DLG2: variants seen among roughly 807,000 people sequenced by gnomAD.
The protein encoded by DLG2 is disks large homolog 2.
DLG2 carries 45 observed loss-of-function variants against 132.5 expected under a neutral mutation model. That is an observed-to-expected ratio of 0.34 (90% CI 0.27 to 0.44). The LOEUF (loss-of-function observed/expected upper bound fraction) is 0.44, where lower values mean the gene tolerates loss of function less well. Among genes scored for constraint, DLG2 ranks in the 20% least tolerant of loss-of-function variants. DLG2 has a pLI of 1.00. For synonymous variants in DLG2, 424 were observed against 419.6 expected (o/e 1.01, Z -0.13); for missense variants, 1,045 against 1,196.9 (o/e 0.87, Z 1.87).
chr11:83,660,776 G>A (rs1463245534), intron 18 of DLG2, among the ~76,000 whole-genome samples: 2 of 152,072 alleles, frequency 1.3e-5, no homozygotes, highest in Non-Finnish European at 1.5e-5. Flanking sequence ...AAAAGTGATG[G>A]AAAGATAAAC....
chr11:84,714,889 T>A (rs994325096), intron 6 of DLG2, among the ~76,000 whole-genome samples: 4 of 152,018 alleles, frequency 2.6e-5, no homozygotes, highest in Non-Finnish European at 4.4e-5. Context: ...CTTGAACTCA[T>A]CCCTTTCTTC....
chr11:84,250,756 A>C (rs2097361635), intron 8 of DLG2, among the ~76,000 whole-genome samples: 1 of 152,234 alleles, frequency 6.6e-6, no homozygotes, highest in Admixed American at 6.5e-5. Context: ...TCATGCTTTC[A>C]TAAAACCATA....
chr11:85,042,938 T>C (rs1301869664), intron 6 of DLG2, among the ~76,000 whole-genome samples: 1 of 151,912 alleles, frequency 6.6e-6, no homozygotes, highest in African/African-American at 2.4e-5. Flanking sequence ...CTACTGTTGA[T>C]AGTACATTTT....
At chr11:83,824,559 T>C (rs1409838393) in intron 17 of DLG2, among the ~76,000 whole-genome samples, 1 of 152,206 alleles carries the variant, frequency 6.6e-6, no homozygotes, top group Non-Finnish European at 1.5e-5. Flanking sequence ...TCAAAAAATA[T>C]GTTTCACTTG....
chr11:85,277,389 T>G (rs1207874699), intron 4 of DLG2, among the ~76,000 whole-genome samples: 2 of 152,172 alleles, frequency 1.3e-5, no homozygotes, highest in South Asian at 2.1e-4. Flanking sequence ...CAGTTAAATA[T>G]CTTTGCATCA....
chr11:85,335,975 A>G (rs937035684), intron 3 of DLG2: 1 of 152,148 alleles, frequency 6.6e-6, no homozygotes, highest in African/African-American at 2.4e-5. Flanking sequence ...AATATCTTCT[A>G]TTTGCACATG....
chr11:84,317,668 G>A (rs1454049951), intron 7 of DLG2, among the ~76,000 whole-genome samples: 1 of 152,236 alleles, frequency 6.6e-6, no homozygotes, highest in East Asian at 1.9e-4. Context: ...AATAAAAAAT[G>A]ATGGGAAAGT....
chr11:84,452,690 T>C (rs1189490613), intron 7 of DLG2, among the ~76,000 whole-genome samples: 1 of 151,646 alleles, frequency 6.6e-6, no homozygotes, highest in African/African-American at 2.4e-5. Flanking sequence ...TTTGACCTGA[T>C]AAACCAGAAA....
intron 3 of DLG2, among the ~76,000 whole-genome samples, chr11:85,356,753 G>A (rs970721674): frequency 7.3e-5 from 11 of 151,408 alleles, no homozygotes; most frequent in African/African-American, 2.7e-4. Context: ...ACTACAGCAT[G>A]CCCAGAAAGA....
intron 9 of DLG2, among the ~76,000 whole-genome samples, chr11:84,158,284 C>T (rs1220461415): frequency 2.0e-5 from 3 of 151,996 alleles, no homozygotes; most frequent in Non-Finnish European, 2.9e-5. Context: ...AGGATGGTCT[C>T]GATCTCCTGA....
At chr11:84,135,884 C>CA (rs1407313086) in intron 9 of DLG2, among the ~76,000 whole-genome samples, 1 of 151,964 alleles carries the variant, frequency 6.6e-6, no homozygotes, top group Non-Finnish European at 1.5e-5. Flanking sequence ...AAGCCTGGGA[C>CA]ATAAAGACTA....
At chr11:85,356,821 TA>T (rs1565372238) in intron 3 of DLG2, among the ~76,000 whole-genome samples, 7 of 115,020 alleles carry the variant, frequency 6.1e-5, no homozygotes, top group African/African-American at 1.7e-4. Flanking sequence ...GATAGATAGA[TA>T]GATAGAGATG....
chr11:83,476,440 T>C (rs2092621147), intron 22 of DLG2, among the ~76,000 whole-genome samples: 1 of 152,160 alleles, frequency 6.6e-6, no homozygotes, highest in Non-Finnish European at 1.5e-5. Flanking sequence ...CCATTTCTAT[T>C]CTAATTCAAG....
chr11:83,603,397 T>C (rs2058856739), intron 19 of DLG2, among the ~76,000 whole-genome samples: 1 of 152,216 alleles, frequency 6.6e-6, no homozygotes, highest in Non-Finnish European at 1.5e-5. Context: ...ATATTCATTG[T>C]ATAAATATAA....
intron 6 of DLG2, among the ~76,000 whole-genome samples, chr11:84,563,738 C>G (rs2099437549): frequency 6.6e-6 from 1 of 152,180 alleles, no homozygotes; most frequent in Non-Finnish European, 1.5e-5. Context: ...TACAATAACA[C>G]TCAGATCTTG....
intron 18 of DLG2, among the ~76,000 whole-genome samples, chr11:83,658,236 A>C (rs1198342435): frequency 6.6e-6 from 1 of 152,226 alleles, no homozygotes; most frequent in Non-Finnish European, 1.5e-5. Flanking sequence ...TTTTTGAAAA[A>C]TTACATTTTT....
intron 4 of DLG2, among the ~76,000 whole-genome samples, chr11:85,209,689 C>A (rs2082136408): frequency 6.6e-6 from 1 of 150,996 alleles, no homozygotes; most frequent in Non-Finnish European, 1.5e-5. Context: ...ATCCACCCGC[C>A]TCGGCCTCCC....
At chr11:84,652,355 T>G (rs1046824360) in intron 6 of DLG2, among the ~76,000 whole-genome samples, 90 of 152,276 alleles carry the variant, frequency 5.9e-4, no homozygotes, top group African/African-American at 2.1e-3. Flanking sequence ...TATCAATGAT[T>G]GGTTATTGAT....
intron 21 of DLG2, among the ~76,000 whole-genome samples, chr11:83,488,319 T>C (rs1445364200): frequency 6.6e-6 from 1 of 152,000 alleles, no homozygotes; most frequent in Admixed American, 6.6e-5. Flanking sequence ...GTGACAGACA[T>C]TAGAACACCC....
Sources: gnomAD v4.1 joint callset for allele counts (sites outside exome capture counted in the v4.1 genomes callset) on GRCh38, gnomAD v4.1.1 for gene constraint, MANE v1.5 for transcripts, NCBI Gene and HGNC (gene_info 2026-07-23, HGNC 2026-07-21) for gene names.